AGAP1: variants seen among roughly 807,000 people sequenced by gnomAD.
AGAP1 encodes arf-GAP with GTPase, ANK repeat and PH domain-containing protein 1.
A neutral mutation model predicts 105.3 loss-of-function variants in AGAP1; 29 were observed. That is an observed-to-expected ratio of 0.28 (90% CI 0.21 to 0.38). AGAP1 has a LOEUF of 0.38. Among genes scored for constraint, AGAP1 ranks in the 10% least tolerant of loss-of-function variants. AGAP1 has a pLI of 1.00. For synonymous variants in AGAP1, 509 were observed against 485.9 expected, an observed-to-expected ratio of 1.05 and a Z score of -0.63; for missense variants, 998 against 1,165.1, an observed-to-expected ratio of 0.86 and a Z score of 2.09.
intron 1 of AGAP1, among the ~76,000 whole-genome samples, chr2:235,511,497 A>G (rs544752734): frequency 1.3e-5 from 2 of 152,022 alleles, no homozygotes; most frequent in Non-Finnish European, 2.9e-5. Context: ...CACTCCTCCC[A>G]TTGCCTGAGT....
intron 1 of AGAP1, among the ~76,000 whole-genome samples, chr2:235,675,252 C>T (rs1250936191): frequency 2.0e-5 from 3 of 148,180 alleles, no homozygotes; most frequent in African/African-American, 2.5e-5. Flanking sequence ...TGCAGTGGCG[C>T]GATCTCAGCT....
At chr2:236,028,733 G>A (rs2057132175) in intron 13 of AGAP1, among the ~76,000 whole-genome samples, 1 of 151,998 alleles carries the variant, frequency 6.6e-6, no homozygotes, top group Non-Finnish European at 1.5e-5. Flanking sequence ...TGGGTAGCAG[G>A]GATGGAAAAA....
At position 236,000,232 on chromosome 2, in the gene AGAP1, C is replaced by A. The variant is rs1307760075; in HGVS notation, c.1645+31609C>A. 6.6e-6 allele frequency among the ~76,000 whole-genome samples: 1 copy of A among 152,164 alleles called. No individual in the cohort carries two copies. The highest frequency in any genetic ancestry group is 1.9e-4 in the East Asian group (1 of 5,186). On this transcript the variant is annotated intron_variant, in intron 13 of 17. Coordinates refer to ENST00000304032, the MANE Select transcript of AGAP1 (RefSeq NM_001037131.3). The surrounding 1 kb of genome is among the most constrained non-coding windows in gnomAD (Gnocchi z 4.3). ...ACTCAATGTCATTCATCAATAGGTT[C>A]TTAAAACTTCGACTTGAAGCGAAAG...
chr2:235,623,279 G>A lies in AGAP1; in HGVS notation c.164-85900G>A, dbSNP rs527490840. Reference sequence around the variant, plus strand: ...ACCTCTGCTTGTTGATCGTATTACAGCATGTTGGGCATGTCAAATGAATCT... The same window carrying A: ...ACCTCTGCTTGTTGATCGTATTACAACATGTTGGGCATGTCAAATGAATCT... On this transcript the variant is annotated intron_variant, in intron 1 of 17. Coordinates refer to ENST00000304032, the MANE Select transcript of AGAP1 (RefSeq NM_001037131.3). The surrounding 1 kb of genome is among the most constrained non-coding windows in gnomAD (Gnocchi z 4.5). 6.6e-6 allele frequency among the ~76,000 whole-genome samples: 1 copy of A among 152,062 alleles called. No individual in the cohort carries two copies. Among genetic ancestry groups the A allele is most frequent in the East Asian group, 1.9e-4 (1 of 5,182 alleles).
chr2:235,908,456 GACTT>G lies in AGAP1; in HGVS notation c.1156-277_1156-274del, dbSNP rs998675042. Among the ~76,000 whole-genome samples, 5 of 152,112 alleles carry G rather than the reference GACTT, an allele frequency of 3.3e-5. No homozygotes were observed. The highest frequency in any genetic ancestry group is 1.2e-4 in the African/African-American group (5 of 41,414). The stretch of plus-strand genomic sequence containing the variant: ...TTCAAAAAATCAGATTTTGTGTGTA[GACTT>G]ACTTCCTAATGACCCTTGAAGGAGG... On this transcript the variant is annotated intron_variant, in intron 10 of 17. Coordinates refer to ENST00000304032, the MANE Select transcript of AGAP1 (RefSeq NM_001037131.3). The surrounding 1 kb of genome is among the most constrained non-coding windows in gnomAD (Gnocchi z 4.4).
rs1200927776 is a variant in AGAP1 at position 235,686,665 on chromosome 2, A to AT, written c.164-22499dup. On this transcript the variant is annotated intron_variant, in intron 1 of 17. Coordinates refer to ENST00000304032, the MANE Select transcript of AGAP1 (RefSeq NM_001037131.3). Reference sequence around the variant, plus strand: ...TATATAGATATATATATATATATATATTTTTTTTTTTTTTTAGACAGAGTC... The same window carrying AT: ...TATATAGATATATATATATATATATATTTTTTTTTTTTTTTTAGACAGAGTC... Among the ~76,000 whole-genome samples, 87 of 77,498 alleles carry AT rather than the reference A, an allele frequency of 1.1e-3. 2 individuals are homozygous for AT. Among genetic ancestry groups the AT allele is most frequent in the Middle Eastern group, 8.2e-3 (1 of 122 alleles). The allele number at this position is 77,498 out of a possible 152,430, so 50.8% of individuals were successfully genotyped here.
In AGAP1 at chr2:235,599,627, T is replaced by A. The variant is rs1050898642; in HGVS notation, c.163+104778T>A. 4.6e-5 allele frequency among the ~76,000 whole-genome samples: 7 copies of A among 152,112 alleles called. No individual in the cohort carries two copies. The highest frequency in any genetic ancestry group is 1.7e-4 in the African/African-American group (7 of 41,410). ...GCCATGGCCCATGTGGCTCCGGAAG[T>A]TCCTGGGAGTGGCTCGTAGAGCCTG... On this transcript the variant is annotated intron_variant, in intron 1 of 17. Transcript: ENST00000304032. This position sits in a 1 kb window ranked among gnomAD's most constrained non-coding sequence, Gnocchi z 5.3.
rs1002791569 is a variant in AGAP1, at chr2:236,027,372, C to T, written c.1646-9189C>T. ...TTAGGCTCTGTGCTCAGATGTTAAT[C>T]CTTCCTCAGGAAGCAAGGTCCAGCT... On this transcript the variant is annotated intron_variant, in intron 13 of 17. Transcript: ENST00000304032. The surrounding 1 kb of genome is among the most constrained non-coding windows in gnomAD (Gnocchi z 4.4). Among the ~76,000 whole-genome samples, 5 of 152,106 alleles carry T rather than the reference C, an allele frequency of 3.3e-5. No individual in the cohort carries two copies. Among genetic ancestry groups the T allele is most frequent in the Non-Finnish European group, 7.4e-5 (5 of 68,010 alleles).
At chr2:235,850,771 T>A (rs1344587884) in intron 9 of AGAP1, among the ~76,000 whole-genome samples, 1 of 152,194 alleles carries the variant, frequency 6.6e-6, no homozygotes. Context: ...ACATTTGAGA[T>A]TTGAAAGCAT....
At chr2:235,669,538 AGCCCGGCTGGGCGCGCGGCCC>A (rs1462530650) in intron 1 of AGAP1, 5 of 147,840 alleles carry the variant, frequency 3.4e-5, no homozygotes, top group Non-Finnish European at 7.5e-5. Flanking sequence ...GGACTCGGCC[AGCCCGGCTGGGCGCGCGGCCC>A]GCGGTCCCTT....
chr2:235,899,710 A>AT (rs997055193), intron 10 of AGAP1, among the ~76,000 whole-genome samples: 3 of 152,296 alleles, frequency 2.0e-5, no homozygotes, highest in African/African-American at 7.2e-5. Context: ...AGGACAGCAA[A>AT]GGAATTGTGT....
intron 11 of AGAP1, among the ~76,000 whole-genome samples, chr2:235,920,444 GGTT>G (rs1258606277): frequency 1.3e-5 from 2 of 152,138 alleles, no homozygotes; most frequent in Non-Finnish European, 2.9e-5. Context: ...CCAAGCGCAG[GGTT>G]GTTGTTTTTT....
chr2:235,840,549 A>G (rs555034980), intron 9 of AGAP1, among the ~76,000 whole-genome samples: 1 of 152,250 alleles, frequency 6.6e-6, no homozygotes, highest in Admixed American at 6.5e-5. Flanking sequence ...TGTACTTCAG[A>G]AGGGCCATGC....
rs557392625 is a variant in AGAP1, at chr2:235,865,409, G to A, written c.1051-17936G>A. ...CACCCACAGTAACACGTGTGGCGCC[G>A]ACCCCGCCGTGCGCAATCGGGGCTT... On this transcript the variant is annotated intron_variant, in intron 9 of 17. Coordinates refer to ENST00000304032, the MANE Select transcript of AGAP1 (RefSeq NM_001037131.3). The surrounding 1 kb of genome is among the most constrained non-coding windows in gnomAD (Gnocchi z 6.2). 1.3e-5 allele frequency among the ~76,000 whole-genome samples: 2 copies of A among 152,194 alleles called. No individual in the cohort carries two copies. Among genetic ancestry groups the A allele is most frequent in the African/African-American group, 2.4e-5 (1 of 41,466 alleles).
Position 235,983,691 on chromosome 2 carries a change from A to G in AGAP1, c.1645+15068A>G, listed in dbSNP as rs35149945. Among the ~76,000 whole-genome samples, 82,069 of 151,978 alleles carry G rather than the reference A, an allele frequency of 0.54. 22,264 individuals carry two copies. Among genetic ancestry groups the G allele is most frequent in the South Asian group, 0.68 (3,263 of 4,810 alleles). Reference sequence around the variant, plus strand: ...TTAGATGTTTAAATACACACTTCCCATTGTGTTGCCACTGCCTACAGTTTT... The same window carrying G: ...TTAGATGTTTAAATACACACTTCCCGTTGTGTTGCCACTGCCTACAGTTTT... On this transcript the variant is annotated intron_variant, in intron 13 of 17. Transcript: ENST00000304032. This position sits in a 1 kb window ranked among gnomAD's most constrained non-coding sequence, Gnocchi z 4.5.
intron 9 of AGAP1, among the ~76,000 whole-genome samples, chr2:235,871,003 C>T (rs2049410124): frequency 1.3e-5 from 2 of 152,184 alleles, no homozygotes; most frequent in South Asian, 4.1e-4. Context: ...AGCTAATGCA[C>T]AGATTTCTCT....
chr2:235,662,449 T>C lies in AGAP1; in HGVS notation c.164-46730T>C, dbSNP rs1947989598. 6.6e-6 allele frequency among the ~76,000 whole-genome samples: 1 copy of C among 151,922 alleles called. No individual in the cohort carries two copies. The highest frequency in any genetic ancestry group is 1.5e-5 in the Non-Finnish European group (1 of 67,998). On this transcript the variant is annotated intron_variant, in intron 1 of 17. Transcript: ENST00000304032. This position sits in a 1 kb window ranked among gnomAD's most constrained non-coding sequence, Gnocchi z 4.2. ...CACAGCAGTTTTGAAGTAATGTAGATTGTGTGGCCATCCCAATTTAGTTTA... is the reference window on the plus strand; with the variant it reads ...CACAGCAGTTTTGAAGTAATGTAGACTGTGTGGCCATCCCAATTTAGTTTA...
At chr2:235,707,150 A>G (rs956552152) in intron 1 of AGAP1, among the ~76,000 whole-genome samples, 7 of 152,204 alleles carry the variant, frequency 4.6e-5, no homozygotes, top group African/African-American at 1.7e-4. Context: ...GTAGAGGGGC[A>G]GTGACTGGAA....
intron 13 of AGAP1, among the ~76,000 whole-genome samples, chr2:236,021,583 G>A (rs1361421822): frequency 6.6e-6 from 1 of 152,166 alleles, no homozygotes; most frequent in Non-Finnish European, 1.5e-5. Context: ...CGTGCCTATC[G>A]TTGCTTTGTC....
Sources: gnomAD v4.1 joint callset for allele counts (sites outside exome capture counted in the v4.1 genomes callset) on GRCh38, gnomAD v4.1.1 for gene constraint, Gnocchi (gnomAD v3.1) non-coding constraint, MANE v1.5 for transcripts, NCBI Gene and HGNC (gene_info 2026-07-23, HGNC 2026-07-21) for gene names.